Variants in IL1RAPL1 observed in about 807,000 individuals in gnomAD.
The protein encoded by IL1RAPL1 is interleukin 1 receptor accessory protein like 1, also known as interleukin-1 receptor accessory protein-like 1.
A neutral mutation model predicts 48.4 loss-of-function variants in IL1RAPL1; 3 were observed. The ratio of observed to expected loss-of-function variants is 0.06; its 90% CI spans 0.03 to 0.16. The LOEUF is 0.16. Ranked by LOEUF, IL1RAPL1 falls within the 10% of genes least tolerant of loss-of-function variation. IL1RAPL1 has a pLI of 1.00. For missense variants in IL1RAPL1, 349 were observed against 530.6 expected (o/e 0.66, Z 3.36); for synonymous variants, 185 against 187.7 (o/e 0.99, Z 0.12).
At chrX:29,487,703 C>T (rs1935111431) in intron 5 of IL1RAPL1, among the ~76,000 whole-genome samples, 1 of 111,878 alleles carries the variant, frequency 8.9e-6, no homozygotes, top group South Asian at 3.7e-4. Context: ...AAGAACACCC[C>T]GATGTGATGT....
intron 2 of IL1RAPL1, among the ~76,000 whole-genome samples, chrX:29,068,137 C>A (rs554283575): frequency 8.9e-6 from 1 of 112,237 alleles, no homozygotes; most frequent in South Asian, 3.7e-4. Flanking sequence ...ATAAATTAAG[C>A]AATGAAACTA....
intron 1 of IL1RAPL1, among the ~76,000 whole-genome samples, chrX:28,777,460 A>G (rs146592498): frequency 2.8e-3 from 316 of 112,192 alleles, no homozygotes; most frequent in African/African-American, 9.3e-3. Context: ...GCACAAATGC[A>G]GTCACTATCT....
intron 3 of IL1RAPL1, among the ~76,000 whole-genome samples, chrX:29,385,669 C>T (rs1033706584): frequency 3.6e-5 from 4 of 112,312 alleles, no homozygotes; most frequent in African/African-American, 1.3e-4. Context: ...CATGTTGTAT[C>T]GTGTATCAGA....
rs1359656744 is a variant in IL1RAPL1 at position 29,072,761 on chromosome X, A to G, written c.83-210177A>G. ...GATCCCTAGCTTGTTCATCCACTCT[A>G]AACTCTAAACTCTGAGAGTGTCTGC... On this transcript the variant is annotated intron_variant, in intron 2 of 10. Transcript: ENST00000378993. Among the ~76,000 whole-genome samples, 6 of 111,941 alleles carry G rather than the reference A, an allele frequency of 5.4e-5. No homozygotes were observed. In the East Asian group the frequency reaches 1.7e-3, roughly 32 times the overall value.
chrX:29,081,156 C>T (rs1223959339), intron 2 of IL1RAPL1, among the ~76,000 whole-genome samples: 4 of 104,612 alleles, frequency 3.8e-5, no homozygotes, highest in East Asian at 5.9e-4. Flanking sequence ...CGGGTTCAAG[C>T]GATTCTCCTG....
intron 2 of IL1RAPL1, among the ~76,000 whole-genome samples, chrX:28,953,439 C>T (rs961451790): frequency 9.0e-5 from 10 of 111,413 alleles, no homozygotes; most frequent in South Asian, 3.7e-4. Context: ...GTAGATATTT[C>T]GGAATTTACA....
chrX:29,880,155 T>C (rs995441869), intron 6 of IL1RAPL1, among the ~76,000 whole-genome samples: 2 of 111,620 alleles, frequency 1.8e-5, no homozygotes, highest in Non-Finnish European at 3.8e-5. Flanking sequence ...AGATAGATAC[T>C]ATCAATATTT....
chrX:29,863,463 C>T (rs865897187), intron 6 of IL1RAPL1, among the ~76,000 whole-genome samples: 24 of 111,327 alleles, frequency 2.2e-4, no homozygotes, highest in South Asian at 3.8e-4. Flanking sequence ...ATGACTATAG[C>T]CCCCCAAAAT....
At chrX:29,412,177 A>G (rs1021917141) in intron 5 of IL1RAPL1, among the ~76,000 whole-genome samples, 10 of 111,329 alleles carry the variant, frequency 9.0e-5, no homozygotes, top group Admixed American at 3.8e-4. Flanking sequence ...AGGCTGAGGC[A>G]GGAGAATTGC....
chrX:29,407,399 G>A (rs1018782643), intron 5 of IL1RAPL1, among the ~76,000 whole-genome samples: 10 of 112,119 alleles, frequency 8.9e-5, no homozygotes, highest in African/African-American at 3.2e-4. Flanking sequence ...TGTGTATTCT[G>A]TCTGGCTTCT....
At chrX:28,908,835 G>A (rs1331651654) in intron 2 of IL1RAPL1, among the ~76,000 whole-genome samples, 1 of 111,523 alleles carries the variant, frequency 9.0e-6, no homozygotes, top group East Asian at 2.8e-4. Context: ...TTCTTTTCAT[G>A]TTTATCAGCT....
At chrX:29,937,066 A>T (rs1043235294) in intron 8 of IL1RAPL1, among the ~76,000 whole-genome samples, 3 of 111,671 alleles carry the variant, frequency 2.7e-5, no homozygotes, top group Non-Finnish European at 5.7e-5. Flanking sequence ...ACTCTTTGGC[A>T]CTTGTTCATT....
At chrX:29,522,180 ATC>A (rs762420635) in intron 5 of IL1RAPL1, among the ~76,000 whole-genome samples, 1 of 110,048 alleles carries the variant, frequency 9.1e-6, no homozygotes, top group Non-Finnish European at 1.9e-5. Context: ...TTGAGACAGT[ATC>A]TCACTCTCTC....
At chrX:29,780,029 C>G (rs774561768) in intron 6 of IL1RAPL1, among the ~76,000 whole-genome samples, 4 of 110,938 alleles carry the variant, frequency 3.6e-5, no homozygotes, top group Admixed American at 9.6e-5. Flanking sequence ...ATCAATATCA[C>G]TACGTTTGCT....
chrX:29,219,594 C>G (rs905903022), intron 2 of IL1RAPL1, among the ~76,000 whole-genome samples: 4 of 111,603 alleles, frequency 3.6e-5, no homozygotes, highest in African/African-American at 1.3e-4. Flanking sequence ...TGGACTGTTG[C>G]ATCTTGAAAG....
At chrX:29,378,980 C>A (rs1408230527) in intron 3 of IL1RAPL1, among the ~76,000 whole-genome samples, 4 of 112,660 alleles carry the variant, frequency 3.6e-5, no homozygotes, top group Admixed American at 9.3e-5. Flanking sequence ...CATGCCAGTC[C>A]ATGAACCCAT....
chrX:29,276,381 G>A (rs943069958), intron 2 of IL1RAPL1, among the ~76,000 whole-genome samples: 3 of 111,996 alleles, frequency 2.7e-5, no homozygotes, highest in African/African-American at 9.7e-5. Context: ...ATTGAGTTCT[G>A]AAGTACACTC....
chrX:29,369,368 T>C (rs748928467), intron 3 of IL1RAPL1: 6 of 111,007 alleles, frequency 5.4e-5, no homozygotes, highest in Non-Finnish European at 1.1e-4. Context: ...CTGCATTCTA[T>C]TGGACTGGGC....
chrX:29,651,945 CAA>C lies in IL1RAPL1; in HGVS notation c.704-16483_704-16482del, dbSNP rs200501945. Among the ~76,000 whole-genome samples, 718 of 111,546 alleles carry C rather than the reference CAA, an allele frequency of 6.4e-3. 4 individuals are homozygous for C. The highest frequency in any genetic ancestry group is 0.022 in the African/African-American group (675 of 30,820). On this transcript the variant is annotated intron_variant, in intron 5 of 10. Coordinates refer to ENST00000378993, the MANE Select transcript of IL1RAPL1 (RefSeq NM_014271.4). The stretch of plus-strand genomic sequence containing the variant: ...AGAAAGAATGAGAAAAGATACTTTT[CAA>C]AGAGTATTAATAGTCATTTTTCTGA...
Sources: allele counts gnomAD v4.1 joint callset (sites outside exome capture counted in the v4.1 genomes callset), GRCh38; gene constraint gnomAD v4.1.1; transcripts MANE v1.5; gene names NCBI Gene and HGNC (gene_info 2026-07-23, HGNC 2026-07-21).